INSR: variants seen among roughly 807,000 people sequenced by gnomAD.
INSR encodes the protein insulin receptor.
INSR carries 67 observed loss-of-function variants against 142.6 expected under a neutral mutation model. The ratio of observed to expected loss-of-function variants is 0.47; its 90% CI spans 0.39 to 0.58. INSR has a LOEUF of 0.58. Ranked by LOEUF, INSR falls within the 20% of genes least tolerant of loss-of-function variation. The pLI is 0.00. For synonymous variants in INSR, 756 were observed against 743.1 expected, an observed-to-expected ratio of 1.02 and a Z score of -0.28; for missense variants, 1,248 against 1,833.2, an observed-to-expected ratio of 0.68 and a Z score of 5.83.
chr19:7,281,995 G>A (rs560757898), intron 1 of INSR, among the ~76,000 whole-genome samples: 378 of 152,254 alleles, frequency 2.5e-3, no homozygotes, highest in African/African-American at 8.3e-3. Flanking sequence ...ACTCCAACAG[G>A]AGCTTAGAGC....
Position 7,184,645 on chromosome 19 carries a change from GA to G in INSR, c.653-9del, listed in dbSNP as rs754360103. The stretch of plus-strand genomic sequence containing the variant: ...TACAGATGGTCGGGCAAACTGGAGA[GA>G]GAGAGAGAGAGAGAGGGAAATAAAT... On this transcript the variant is annotated splice_polypyrimidine_tract_variant and intron_variant, in intron 2 of 21. Coordinates refer to ENST00000302850, the MANE Select transcript of INSR (RefSeq NM_000208.4). 2,934 of 1,466,744 alleles carry G rather than the reference GA, an allele frequency of 2.0e-3. 79 individuals are homozygous for G. In the African/African-American group the frequency reaches 0.038, roughly 19 times the overall value. 90.9% of individuals were successfully genotyped at this position (1,466,744 alleles called of 1,614,324 possible).
intron 1 of INSR, among the ~76,000 whole-genome samples, chr19:7,269,576 G>C (rs1428130600): frequency 1.3e-5 from 2 of 152,028 alleles, no homozygotes; most frequent in Non-Finnish European, 2.9e-5. Flanking sequence ...AGAGGACAAG[G>C]ATGCCAGTCC....
intron 21 of INSR, among the ~76,000 whole-genome samples, chr19:7,118,923 A>C (rs1011205096): frequency 4.0e-5 from 6 of 150,708 alleles, no homozygotes; most frequent in African/African-American, 1.5e-4. Context: ...TCAAAAAAAA[A>C]AAAAAAAAAA....
In INSR at chr19:7,116,982, G is replaced by A; in HGVS notation, c.*74C>T. 2 of 1,150,402 alleles carry A rather than the reference G, an allele frequency of 1.7e-6. No homozygotes were observed. Among genetic ancestry groups the A allele is most frequent in the South Asian group, 2.5e-5 (2 of 81,606 alleles). 71.3% of individuals were successfully genotyped at this position (1,150,402 alleles called of 1,614,324 possible). A position where few individuals can be genotyped will look rare whatever the true frequency, so the allele number is the denominator to read the frequency against. ...CATGGTAGAGTCGTGAGAATCCTGA[G>A]TTTTCCAGAGGCTTTCAAACCAGAG... On this transcript the variant is annotated 3_prime_UTR_variant, in exon 22 of 22. Transcript: ENST00000302850.
intron 2 of INSR, among the ~76,000 whole-genome samples, chr19:7,254,483 C>T (rs1027823851): frequency 2.0e-5 from 3 of 151,680 alleles, no homozygotes; most frequent in African/African-American, 2.4e-5. Flanking sequence ...GAGCTATGAT[C>T]GCACCACTGC....
intron 17 of INSR, among the ~76,000 whole-genome samples, chr19:7,124,101 C>T (rs943118558): frequency 6.6e-6 from 1 of 151,650 alleles, no homozygotes; most frequent in African/African-American, 2.4e-5. Flanking sequence ...TGGTGGCTCA[C>T]GCCTGTAATC....
At position 7,216,999 on chromosome 19, in the gene INSR, C is replaced by T. The variant is rs9304950; in HGVS notation, c.653-32362G>A. On this transcript the variant is annotated intron_variant, in intron 2 of 21. Coordinates refer to ENST00000302850, the MANE Select transcript of INSR (RefSeq NM_000208.4). The surrounding 1 kb of genome is among the most constrained non-coding windows in gnomAD (Gnocchi z 4.2). Reference sequence around the variant, plus strand: ...GCTAATTTTTCTTCTTCTTCTTCTTCTTTTTTTTTTTTTTGTAGAGATGGG... The same window carrying T: ...GCTAATTTTTCTTCTTCTTCTTCTTTTTTTTTTTTTTTTTGTAGAGATGGG... Among the ~76,000 whole-genome samples, 1,004 of 16,648 alleles carry T rather than the reference C, an allele frequency of 0.06. 26 individuals carry two copies. The highest frequency in any genetic ancestry group is 0.49 in the East Asian group (366 of 740). The allele number at this position is 16,648 out of a possible 152,430, so 10.9% of individuals were successfully genotyped here.
At chr19:7,285,190 C>T (rs1199392432) in intron 1 of INSR, among the ~76,000 whole-genome samples, 2 of 152,042 alleles carry the variant, frequency 1.3e-5, no homozygotes, top group Non-Finnish European at 2.9e-5. Context: ...GTGGCTCGCG[C>T]CTGTAATCCC....
At chr19:7,204,595 C>T (rs1975055245) in intron 2 of INSR, among the ~76,000 whole-genome samples, 1 of 152,228 alleles carries the variant, frequency 6.6e-6, no homozygotes, top group Non-Finnish European at 1.5e-5. Context: ...TCAGACTTCA[C>T]TGGCTAATCA....
At chr19:7,239,414 A>G (rs1976270054) in intron 2 of INSR, among the ~76,000 whole-genome samples, 1 of 151,934 alleles carries the variant, frequency 6.6e-6, no homozygotes, top group Non-Finnish European at 1.5e-5. Context: ...AAAGAATACC[A>G]TAGGATACCA....
chr19:7,257,884 G>A lies in INSR; in HGVS notation c.652+9461C>T, dbSNP rs1046214412. Reference sequence around the variant, plus strand: ...GTCACCCAGGCTGGAGTGCAGTGGCGCAATCTCCACTCATTGCAACTTCCG... The same window carrying A: ...GTCACCCAGGCTGGAGTGCAGTGGCACAATCTCCACTCATTGCAACTTCCG... On this transcript the variant is annotated intron_variant, in intron 2 of 21. Coordinates refer to ENST00000302850, the MANE Select transcript of INSR (RefSeq NM_000208.4). 6.6e-5 allele frequency among the ~76,000 whole-genome samples: 10 copies of A among 152,180 alleles called. No homozygotes were observed. In the East Asian group the frequency reaches 1.2e-3, roughly 18 times the overall value.
intron 1 of INSR, among the ~76,000 whole-genome samples, chr19:7,282,203 A>C (rs1189554504): frequency 6.6e-6 from 1 of 151,874 alleles, no homozygotes; most frequent in Non-Finnish European, 1.5e-5. Flanking sequence ...TGTCTCTACT[A>C]AAAATACAAA....
chr19:7,191,343 GA>G (rs1468593473), intron 2 of INSR, among the ~76,000 whole-genome samples: 6 of 129,842 alleles, frequency 4.6e-5, no homozygotes, highest in African/African-American at 1.4e-4. Flanking sequence ...AAGAAAGAAA[GA>G]AAGGAGGGAG....
At chr19:7,139,612 T>A (rs1223571847) in intron 13 of INSR, among the ~76,000 whole-genome samples, 1 of 152,082 alleles carries the variant, frequency 6.6e-6, no homozygotes, top group East Asian at 1.9e-4. Flanking sequence ...ATTTTAAAAA[T>A]GAATATTAAA....
intron 5 of INSR, 50 bp downstream of exon 5, chr19:7,172,240 C>T (rs373686409): frequency 1.0e-5 from 16 of 1,606,972 alleles, no homozygotes; most frequent in South Asian, 3.3e-5. Context: ...TTCTAATACA[C>T]GAACTTCCTA....
chr19:7,138,324 A>G (rs1972989395), intron 13 of INSR, among the ~76,000 whole-genome samples: 1 of 152,124 alleles, frequency 6.6e-6, no homozygotes, highest in Admixed American at 6.5e-5. Flanking sequence ...ACTCCAGAGC[A>G]TGTAATTTTA....
At chr19:7,248,730 C>CTGGACTAT (rs1217486603) in intron 2 of INSR, among the ~76,000 whole-genome samples, 1 of 149,834 alleles carries the variant, frequency 6.7e-6, no homozygotes, top group Non-Finnish European at 1.5e-5. Context: ...ATGGATTATC[C>CTGGACTAT]TGGACTATTC....
chr19:7,185,858 A>AAAAAG (rs1555747112), intron 2 of INSR, among the ~76,000 whole-genome samples: 1 of 133,976 alleles, frequency 7.5e-6, no homozygotes, highest in Non-Finnish European at 1.6e-5. Flanking sequence ...AAAAAAAAAA[A>AAAAAG]AGAGAGAGAG....
At chr19:7,178,381 A>C (rs1974194094) in intron 3 of INSR, among the ~76,000 whole-genome samples, 1 of 151,986 alleles carries the variant, frequency 6.6e-6, no homozygotes, top group African/African-American at 2.4e-5. Flanking sequence ...TCACATGGTC[A>C]ATGATTTCAA....
Sources: allele counts gnomAD v4.1 joint callset (sites outside exome capture counted in the v4.1 genomes callset), GRCh38; gene constraint gnomAD v4.1.1; non-coding constraint Gnocchi (gnomAD v3.1); transcripts MANE v1.5; gene names NCBI Gene and HGNC (gene_info 2026-07-23, HGNC 2026-07-21).